Variants in PPFIA1 observed in about 807,000 individuals in gnomAD.
The protein encoded by PPFIA1 is PPFI scaffold protein A1.
Under a neutral mutation model 149.9 loss-of-function variants are expected in PPFIA1, and 25 were observed. The ratio of observed to expected loss-of-function variants is 0.17; its 90% CI spans 0.12 to 0.23. The LOEUF is 0.23. PPFIA1 is among the 10% of genes least tolerant of loss of function. The pLI is 1.00. For synonymous variants in PPFIA1, 549 were observed against 552.8 expected, an observed-to-expected ratio of 0.99 and a Z score of 0.10; for missense variants, 1,362 against 1,506.5, an observed-to-expected ratio of 0.90 and a Z score of 1.59.
At position 70,270,707 on chromosome 11, in the gene PPFIA1, A is replaced by T. The variant is rs1407439514; in HGVS notation, c.-208A>T. The stretch of plus-strand genomic sequence containing the variant: ...GGGCACGTAGACGCCGGCGCCGCGC[A>T]GCCGGGCCCGCTCCTCCTCCGCTCC... On this transcript the variant is annotated 5_prime_UTR_variant, in exon 1 of 28. Transcript: ENST00000253925. 1.3e-5 allele frequency: 2 copies of T among 150,930 alleles called. No homozygotes were observed. Among genetic ancestry groups the T allele is most frequent in the African/African-American group, 4.9e-5 (2 of 41,130 alleles). 9.3% of individuals were successfully genotyped at this position (150,930 alleles called of 1,614,324 possible). A position where few individuals can be genotyped will look rare whatever the true frequency, so the allele number is the denominator to read the frequency against.
intron 2 of PPFIA1, among the ~76,000 whole-genome samples, chr11:70,305,319 T>G: frequency 6.6e-6 from 1 of 152,152 alleles, no homozygotes; most frequent in Non-Finnish European, 1.5e-5. Flanking sequence ...ATACAGTAAC[T>G]TAGCATGCAA....
At chr11:70,349,835 G>T in intron 16 of PPFIA1, 4 of 444,552 alleles carry the variant, frequency 9.0e-6, no homozygotes, top group South Asian at 1.6e-5. Flanking sequence ...ATTTTTTCTG[G>T]TTTTGTAATT....
chr11:70,286,931 T>C (rs999503233), intron 2 of PPFIA1, among the ~76,000 whole-genome samples: 7 of 135,608 alleles, frequency 5.2e-5, no homozygotes, highest in African/African-American at 2.3e-4. Context: ...CACATATATA[T>C]ACACATATAT....
In PPFIA1 at chr11:70,383,451, C is replaced by T. The variant is rs538364540; in HGVS notation, c.*461C>T. 2 of 179,774 alleles carry T rather than the reference C, an allele frequency of 1.1e-5. No homozygotes were observed. The highest frequency in any genetic ancestry group is 1.3e-4 in the Admixed American group (2 of 15,428). The allele number at this position is 179,774 out of a possible 1,614,324, so 11.1% of individuals were successfully genotyped here. On this transcript the variant is annotated 3_prime_UTR_variant, in exon 28 of 28. Coordinates refer to ENST00000253925, the MANE Select transcript of PPFIA1 (RefSeq NM_003626.5). Reference sequence around the variant, plus strand: ...ACGTTTATAAAATTATGACAGAAGCCATGTGCATTATCCTTTACGGACGCA... The same window carrying T: ...ACGTTTATAAAATTATGACAGAAGCTATGTGCATTATCCTTTACGGACGCA...
At chr11:70,312,152 G>A (rs2053326122) in intron 2 of PPFIA1, among the ~76,000 whole-genome samples, 1 of 151,686 alleles carries the variant, frequency 6.6e-6, no homozygotes, top group Admixed American at 6.6e-5. Flanking sequence ...CCGTGAATTA[G>A]CATTTTGTTG....
rs1054758842 is a variant in PPFIA1, at chr11:70,355,773, G to T, written c.2450G>T (p.Gly817Val). Residue 817 changes from glycine to valine, a missense_variant, in exon 18 of 28, where the codon GGC (glycine) becomes GTC (valine). Around this residue, in one of 7 missense-constraint regions of PPFIA1, gnomAD observed 91 missense variants for 91.2 expected, o/e 1.00. Transcript: ENST00000253925. ...CGCTTGTTTGGCAAGAAAGAAAAGG[G>T]CCGACCTGGACAAACTGGCAAAGAA... The part of the protein sequence containing the change: ...IGRLFGKKEK[G>V]RPGQTGKEAL... The T allele has an allele frequency of 6.2e-7, 1 of 1,613,700 alleles. No homozygotes were observed. Among genetic ancestry groups the T allele is most frequent in the Middle Eastern group, 1.7e-4 (1 of 5,992 alleles).
chr11:70,375,210 C>A (rs1366749157), intron 24 of PPFIA1, 117 bp downstream of exon 24: 79 of 302,960 alleles, frequency 2.6e-4, no homozygotes, highest in Middle Eastern at 1.4e-3. Flanking sequence ...AAACTTCAGA[C>A]AACTAGTTTT....
intron 2 of PPFIA1, among the ~76,000 whole-genome samples, chr11:70,317,292 C>T (rs1450549544): frequency 6.6e-6 from 1 of 152,058 alleles, no homozygotes; most frequent in East Asian, 1.9e-4. Context: ...GCAGTACATA[C>T]AGGAACATGC....
chr11:70,350,602 A>G (rs149912182), intron 16 of PPFIA1, among the ~76,000 whole-genome samples: 104 of 152,318 alleles, frequency 6.8e-4, no homozygotes, highest in Non-Finnish European at 1.2e-3. Context: ...GTTCAGTTTT[A>G]TAATTGGTAT....
chr11:70,315,249 T>G (rs759820836), intron 2 of PPFIA1, among the ~76,000 whole-genome samples: 1 of 152,220 alleles, frequency 6.6e-6, no homozygotes, highest in Non-Finnish European at 1.5e-5. Flanking sequence ...TCACAGTGGC[T>G]TTGAACATGT....
chr11:70,353,134 A>G (rs1041874543), intron 16 of PPFIA1, among the ~76,000 whole-genome samples: 3 of 152,162 alleles, frequency 2.0e-5, no homozygotes, highest in African/African-American at 4.8e-5. Flanking sequence ...TCCATTTTGC[A>G]TTGAATGCAC....
chr11:70,304,995 A>G (rs1233733165), intron 2 of PPFIA1, among the ~76,000 whole-genome samples: 1 of 151,986 alleles, frequency 6.6e-6, no homozygotes, highest in Non-Finnish European at 1.5e-5. Context: ...TATTTACTTC[A>G]TGTTTTGATT....
intron 2 of PPFIA1, among the ~76,000 whole-genome samples, chr11:70,310,799 C>T (rs116836326): frequency 5.8e-4 from 88 of 152,262 alleles, no homozygotes; most frequent in African/African-American, 2.1e-3. Context: ...AGCTCCTTGT[C>T]ATTTAACGGA....
intron 27 of PPFIA1, 51 bp downstream of exon 27, chr11:70,382,209 A>G: frequency 2.8e-6 from 4 of 1,452,868 alleles, no homozygotes; most frequent in African/African-American, 2.8e-5. Context: ...GCACAGCAGG[A>G]GTCATCGGAG....
chr11:70,300,699 A>G (rs2052430425), intron 2 of PPFIA1, among the ~76,000 whole-genome samples: 1 of 152,026 alleles, frequency 6.6e-6, no homozygotes, highest in African/African-American at 2.4e-5. Context: ...ACGCCCAGCT[A>G]ATTTTATGTA....
At chr11:70,277,060 A>ATATATATATATATATTTTT in intron 2 of PPFIA1, among the ~76,000 whole-genome samples, 26 of 66,312 alleles carry the variant, frequency 3.9e-4, no homozygotes, top group African/African-American at 2.9e-3. Flanking sequence ...ATATATATAT[A>ATATATATATATATATTTTT]TTTTTTTTTT....
intron 25 of PPFIA1, among the ~76,000 whole-genome samples, chr11:70,377,084 C>T (rs1200982867): frequency 6.6e-6 from 1 of 151,450 alleles, no homozygotes; most frequent in Admixed American, 6.6e-5. Flanking sequence ...AAAAGAAACC[C>T]CCTCCCCGCA....
intron 15 of PPFIA1, among the ~76,000 whole-genome samples, chr11:70,347,458 G>T (rs1452490870): frequency 6.6e-6 from 1 of 152,202 alleles, no homozygotes; most frequent in South Asian, 2.1e-4. Flanking sequence ...CACCACTTTG[G>T]GAGGAGGCTG....
At chr11:70,292,674 C>T (rs983015965) in intron 2 of PPFIA1, among the ~76,000 whole-genome samples, 1 of 152,082 alleles carries the variant, frequency 6.6e-6, no homozygotes, top group Non-Finnish European at 1.5e-5. Context: ...TAGGAATGAG[C>T]CCCCACTGAA....
Sources: gnomAD v4.1 joint callset for allele counts (sites outside exome capture counted in the v4.1 genomes callset) on GRCh38, gnomAD v4.1.1 for gene constraint, gnomAD v4.1.1 regional missense constraint, MANE v1.5 for transcripts, NCBI Gene and HGNC (gene_info 2026-07-23, HGNC 2026-07-21) for gene names.